The following CDYL2 variants were observed in gnomAD, a reference collection of about 807,000 sequenced individuals.
CDYL2 encodes the protein chromodomain Y-like protein 2.
A neutral mutation model predicts 49.4 loss-of-function variants in CDYL2; 23 were observed. The observed-to-expected ratio is 0.47, with a 90% CI of 0.34 to 0.66. CDYL2 has a LOEUF of 0.66. CDYL2 is among the 30% of genes least tolerant of loss of function. The pLI is 0.01. For synonymous variants in CDYL2, 360 were observed against 268.8 expected (o/e 1.34, Z -3.32); for missense variants, 678 against 656.4 (o/e 1.03, Z -0.36).
intron 2 of CDYL2, among the ~76,000 whole-genome samples, chr16:80,658,297 G>A (rs1009383836): frequency 6.6e-6 from 1 of 152,102 alleles, no homozygotes; most frequent in East Asian, 1.9e-4. Context: ...TAAAGATGGG[G>A]GGTGGAAATA....
chr16:80,773,627 G>A (rs1282266143), intron 1 of CDYL2, among the ~76,000 whole-genome samples: 1 of 152,012 alleles, frequency 6.6e-6, no homozygotes, highest in Non-Finnish European at 1.5e-5. Context: ...TGATAAAATT[G>A]AAAGTACAAT....
intron 3 of CDYL2, among the ~76,000 whole-genome samples, chr16:80,631,086 C>T (rs1036870356): frequency 1.3e-5 from 2 of 152,176 alleles, no homozygotes; most frequent in Non-Finnish European, 2.9e-5. Context: ...CTGGGATGAA[C>T]AGAAGAGACA....
At chr16:80,720,131 C>G (rs1425338847) in intron 1 of CDYL2, among the ~76,000 whole-genome samples, 1 of 152,132 alleles carries the variant, frequency 6.6e-6, no homozygotes, top group African/African-American at 2.4e-5. Flanking sequence ...GAATTTGAGC[C>G]ATCTCTCGGG....
intron 1 of CDYL2, among the ~76,000 whole-genome samples, chr16:80,756,710 ACAGTC>A (rs1161184480): frequency 6.6e-6 from 1 of 152,252 alleles, no homozygotes; most frequent in East Asian, 1.9e-4. Context: ...CACTAAAACC[ACAGTC>A]CAGTGTCACT....
At chr16:80,694,165 G>A (rs1310032123) in intron 1 of CDYL2, among the ~76,000 whole-genome samples, 2 of 152,142 alleles carry the variant, frequency 1.3e-5, no homozygotes, top group African/African-American at 2.4e-5. Flanking sequence ...TAAGAAACAC[G>A]CAACCCAAAT....
Position 80,620,945 on chromosome 16 carries a change from G to A in CDYL2, c.835-10C>T. The A allele has an allele frequency of 6.3e-7, 1 of 1,585,706 alleles. No homozygotes were observed. The highest frequency in any genetic ancestry group is 2.3e-5 in the East Asian group (1 of 44,004). On this transcript the variant is annotated splice_polypyrimidine_tract_variant and intron_variant, in intron 3 of 6. Transcript: ENST00000570137. The stretch of plus-strand genomic sequence containing the variant: ...GGACTTCTTTCATGATCTGCCGGCA[G>A]AGATGAATTTGCAGGGATGTTAAGT...
At chr16:80,777,190 A>G (rs1306117967) in intron 1 of CDYL2, among the ~76,000 whole-genome samples, 1 of 152,160 alleles carries the variant, frequency 6.6e-6, no homozygotes, top group Non-Finnish European at 1.5e-5. Flanking sequence ...TCTTGGGGAG[A>G]CGGAAGGAGT....
chr16:80,644,641 C>T (rs887908512), intron 2 of CDYL2, among the ~76,000 whole-genome samples: 1 of 152,152 alleles, frequency 6.6e-6, no homozygotes, highest in Non-Finnish European at 1.5e-5. Context: ...AAGGCGGAAA[C>T]CCCTGATAAA....
chr16:80,662,935 C>T (rs1909107565), intron 2 of CDYL2, among the ~76,000 whole-genome samples: 1 of 151,866 alleles, frequency 6.6e-6, no homozygotes, highest in South Asian at 2.1e-4. Flanking sequence ...GGAGGCCCAG[C>T]ACAAAGAACG....
At chr16:80,618,361 T>A (rs975123196) in intron 4 of CDYL2, among the ~76,000 whole-genome samples, 5 of 152,120 alleles carry the variant, frequency 3.3e-5, no homozygotes, top group Admixed American at 2.0e-4. Flanking sequence ...TTCTCAAGAG[T>A]CCAGAGACGC....
At chr16:80,804,079 C>T (rs1908019608) in intron 1 of CDYL2, 71 bp downstream of exon 1, 13 of 958,158 alleles carry the variant, frequency 1.4e-5, no homozygotes, top group Non-Finnish European at 1.5e-5. Flanking sequence ...CGGCCCGGTC[C>T]CCGCCGCCCG....
At chr16:80,765,993 G>A (rs182912156) in intron 1 of CDYL2, among the ~76,000 whole-genome samples, 5 of 151,006 alleles carry the variant, frequency 3.3e-5, no homozygotes, top group African/African-American at 7.3e-5. Flanking sequence ...ATCACACATC[G>A]CATGATTCCA....
chr16:80,769,092 A>G (rs916312089), intron 1 of CDYL2, among the ~76,000 whole-genome samples: 2 of 152,162 alleles, frequency 1.3e-5, no homozygotes, highest in African/African-American at 4.8e-5. Flanking sequence ...TACCCATCAC[A>G]TATCATCAAC....
At chr16:80,697,914 G>A (rs1904282399) in intron 1 of CDYL2, among the ~76,000 whole-genome samples, 1 of 152,054 alleles carries the variant, frequency 6.6e-6, no homozygotes, top group South Asian at 2.1e-4. Flanking sequence ...TTAAAAAAAT[G>A]GAAATACATC....
intron 1 of CDYL2, among the ~76,000 whole-genome samples, chr16:80,761,998 C>T (rs1164880977): frequency 1.3e-5 from 2 of 151,422 alleles, no homozygotes; most frequent in Non-Finnish European, 2.9e-5. Flanking sequence ...CTAGCCCAGG[C>T]AACATGGCAA....
intron 2 of CDYL2, among the ~76,000 whole-genome samples, chr16:80,670,084 C>G (rs1018117277): frequency 1.3e-5 from 2 of 152,346 alleles, no homozygotes; most frequent in East Asian, 3.9e-4. Flanking sequence ...ATTTATTAAA[C>G]TGGTGTATTC....
At chr16:80,711,084 C>A (rs892208132) in intron 1 of CDYL2, among the ~76,000 whole-genome samples, 1 of 152,176 alleles carries the variant, frequency 6.6e-6, no homozygotes, top group African/African-American at 2.4e-5. Flanking sequence ...CAGGGCAAAA[C>A]ATACCAATGG....
At position 80,601,793 on chromosome 16, in the gene CDYL2, C is replaced by A. The variant is rs991850038; in HGVS notation, c.*2595G>T. The A allele has an allele frequency of 1.3e-5, 2 of 152,172 alleles. No homozygotes were observed. The highest frequency in any genetic ancestry group is 3.9e-4 in the East Asian group (2 of 5,182). 9.4% of individuals were successfully genotyped at this position (152,172 alleles called of 1,614,324 possible). On this transcript the variant is annotated 3_prime_UTR_variant, in exon 7 of 7. Coordinates refer to ENST00000570137, the MANE Select transcript of CDYL2 (RefSeq NM_152342.4). ...ACAACCAAAATACAGACTTTCACCACCCCCGTTACACCCAGGACCTGTGAC... is the reference window on the plus strand; with the variant it reads ...ACAACCAAAATACAGACTTTCACCAACCCCGTTACACCCAGGACCTGTGAC...
In CDYL2 at chr16:80,804,393, A is replaced by AGCGGCG. The variant is rs528498874; in HGVS notation, c.-226_-221dup. 7.4e-4 allele frequency: 132 copies of AGCGGCG among 178,686 alleles called. No individual in the cohort carries two copies. In the Middle Eastern group the frequency reaches 7.8e-3, roughly 11 times the overall value. 11.1% of individuals were successfully genotyped at this position (178,686 alleles called of 1,614,324 possible). A position where few individuals can be genotyped will look rare whatever the true frequency, so the allele number is the denominator to read the frequency against. Reference sequence around the variant, plus strand: ...CGGCGGGGCTGGCGTAACCGGCAGCAGCGGCGGCGGCGGCGGCGGCGGCAC... The same window carrying AGCGGCG: ...CGGCGGGGCTGGCGTAACCGGCAGCAGCGGCGGCGGCGGCGGCGGCGGCGGCGGCAC... On this transcript the variant is annotated 5_prime_UTR_variant, in exon 1 of 7. Transcript: ENST00000570137.
Sources: allele counts gnomAD v4.1 joint callset (sites outside exome capture counted in the v4.1 genomes callset), GRCh38; gene constraint gnomAD v4.1.1; transcripts MANE v1.5; gene names NCBI Gene and HGNC (gene_info 2026-07-23, HGNC 2026-07-21).